Variants in SRPX observed in about 807,000 individuals in gnomAD.
SRPX encodes sushi repeat-containing protein SRPX.
In SRPX, 24 loss-of-function variants were observed where a neutral mutation model predicts 38.1. The ratio of observed to expected loss-of-function variants is 0.63; its 90% confidence interval spans 0.46 to 0.89. The LOEUF is 0.89. Among genes scored for constraint, SRPX ranks in the 40% least tolerant of loss-of-function variants. SRPX has a pLI of 0.00. For missense variants in SRPX, 416 were observed against 377.8 expected (o/e 1.10, Z -0.84); for synonymous variants, 184 against 153.8 (o/e 1.20, Z -1.45).
chrX:38,218,229 C>T (rs1196470107), intron 1 of SRPX, among the ~76,000 whole-genome samples: 1 of 112,575 alleles, frequency 8.9e-6, no homozygotes. Flanking sequence ...CCATGGTACT[C>T]ATTCTCCATC....
At chrX:38,208,511 CT>C (rs998301589) in intron 1 of SRPX, among the ~76,000 whole-genome samples, 2 of 111,503 alleles carry the variant, frequency 1.8e-5, no homozygotes, top group African/African-American at 6.5e-5. Context: ...CCTTTTTTAC[CT>C]TTTTTGTTTA....
At chrX:38,215,174 T>A (rs1159461889) in intron 1 of SRPX, among the ~76,000 whole-genome samples, 1 of 112,126 alleles carries the variant, frequency 8.9e-6, no homozygotes, top group African/African-American at 3.2e-5. Flanking sequence ...ATGCTCAATT[T>A]ACAACCCCAA....
intron 2 of SRPX, among the ~76,000 whole-genome samples, chrX:38,175,765 C>G (rs1441727780): frequency 8.9e-6 from 1 of 111,966 alleles, no homozygotes; most frequent in Non-Finnish European, 1.9e-5. Context: ...CTTCCCTGGA[C>G]TTTCTAGGTA....
At position 38,174,186 on chromosome X, in the gene SRPX, C is replaced by T. The variant is rs775464093; in HGVS notation, c.323G>A (p.Arg108Gln). ...TTTGCAGATGACCTTGTCAGACCAT[C>T]GTTTGTTTGACTGGCAGATCAGTAG... is the stretch of plus-strand genomic sequence containing the variant. ...SSLLICQSNK[R>Q]WSDKVICKQK... The change falls in exon 3 of 10, where the codon CGA becomes CAA. Residue 108 changes from arginine (R) to glutamine (Q), a missense_variant. Transcript: ENST00000378533. 1.7e-5 allele frequency: 19 copies of T among 1,112,488 alleles called. No individual in the cohort carries two copies. In the East Asian group the frequency reaches 2.4e-4, roughly 14 times the overall value. 91.7% of individuals were successfully genotyped at this position (1,112,488 alleles called of 1,213,427 possible).
At chrX:38,199,746 T>TG (rs1354805866) in intron 1 of SRPX, among the ~76,000 whole-genome samples, 6 of 89,331 alleles carry the variant, frequency 6.7e-5, no homozygotes, top group Non-Finnish European at 1.3e-4. Flanking sequence ...ACAGAGTGGC[T>TG]GGAAAAAAAA....
At chrX:38,158,681 A>T (rs1055121847) in intron 7 of SRPX, among the ~76,000 whole-genome samples, 2 of 111,642 alleles carry the variant, frequency 1.8e-5, no homozygotes, top group Non-Finnish European at 3.8e-5. Context: ...TAGTTGCCTC[A>T]TTAAAAAAGT....
intron 1 of SRPX, among the ~76,000 whole-genome samples, chrX:38,187,969 A>T (rs139287775): frequency 0.016 from 1,753 of 111,981 alleles, 31 homozygotes; most frequent in African/African-American, 0.054. Context: ...TGTTTGAAGG[A>T]GTAGAGCGAA....
rs144518030 is a variant in SRPX, at chrX:38,154,558, C to T, written c.1115G>A (p.Arg372Gln). ...LQQAQCGLDL[R>Q]HITVVELVGV... ...CACCAGCTCCACCACGGTGATGTGT[C>T]GAAGATCAAGGCCACACTGTGCTTG... Residue 372 changes from arginine to glutamine, a missense_variant, in exon 9 of 10, where the codon CGA becomes CAA. By Grantham distance (43) the Arg-to-Gln change is conservative (BLOSUM62 1). Transcript: ENST00000378533. 20 of 1,206,728 alleles carry T rather than the reference C, an allele frequency of 1.7e-5. No individual in the cohort carries two copies. The highest frequency in any genetic ancestry group is 2.1e-5 in the Non-Finnish European group (19 of 893,782).
chrX:38,164,232 T>G (rs777177137), intron 5 of SRPX, among the ~76,000 whole-genome samples: 23 of 110,598 alleles, frequency 2.1e-4, no homozygotes, highest in African/African-American at 3.6e-4. Context: ...AACCTCAGCC[T>G]CACAGGTTCA....
At chrX:38,176,283 C>G (rs755102758) in intron 2 of SRPX, among the ~76,000 whole-genome samples, 1 of 111,357 alleles carries the variant, frequency 9.0e-6, no homozygotes, top group South Asian at 3.8e-4. Context: ...CACAAACTCA[C>G]TCAATTAATA....
intron 1 of SRPX, among the ~76,000 whole-genome samples, chrX:38,189,761 C>T (rs183110810): frequency 8.9e-6 from 1 of 111,864 alleles, no homozygotes; most frequent in Non-Finnish European, 1.9e-5. Flanking sequence ...TTTTATGTTG[C>T]GTTGGATTTT....
intron 1 of SRPX, among the ~76,000 whole-genome samples, chrX:38,209,068 T>G (rs1446798015): frequency 9.2e-6 from 1 of 108,650 alleles, no homozygotes; most frequent in Non-Finnish European, 1.9e-5. Context: ...CTTGTTAAAG[T>G]ACATTCATCA....
At chrX:38,177,497 G>A (rs1415370493) in intron 2 of SRPX, among the ~76,000 whole-genome samples, 1 of 109,590 alleles carries the variant, frequency 9.1e-6, no homozygotes, top group East Asian at 2.9e-4. Flanking sequence ...CTCATCCCAG[G>A]AATTAGGACA....
chrX:38,166,682 G>C (rs1207161447), intron 4 of SRPX, among the ~76,000 whole-genome samples: 1 of 111,666 alleles, frequency 9.0e-6, no homozygotes, highest in Non-Finnish European at 1.9e-5. Flanking sequence ...CCCCCTGCTG[G>C]TCAAATATAG....
chrX:38,180,099 C>T (rs1472203972), intron 1 of SRPX, among the ~76,000 whole-genome samples: 2 of 111,233 alleles, frequency 1.8e-5, no homozygotes, highest in African/African-American at 6.6e-5. Context: ...CTTCAATCAT[C>T]CAAATTAAAA....
chrX:38,156,836 T>C (rs1938140466), intron 8 of SRPX, 60 bp downstream of exon 8: 1 of 1,153,927 alleles, frequency 8.7e-7, no homozygotes, highest in Non-Finnish European at 1.2e-6. Flanking sequence ...TTTAGTGAAA[T>C]GGCTGGGCCC....
At chrX:38,180,201 T>A (rs751875626) in intron 1 of SRPX, among the ~76,000 whole-genome samples, 1 of 111,783 alleles carries the variant, frequency 8.9e-6, no homozygotes, top group Non-Finnish European at 1.9e-5. Flanking sequence ...CCCTCGGTTG[T>A]CATCCTGGTT....
chrX:38,159,565 A>G (rs763861164), intron 7 of SRPX, among the ~76,000 whole-genome samples: 1 of 112,788 alleles, frequency 8.9e-6, no homozygotes, highest in Non-Finnish European at 1.9e-5. Flanking sequence ...CAAGAGGTAG[A>G]TGAGGTATTA....
intron 1 of SRPX, among the ~76,000 whole-genome samples, chrX:38,188,838 G>A (rs747924753): frequency 8.1e-5 from 9 of 111,720 alleles, no homozygotes; most frequent in Non-Finnish European, 1.5e-4. Flanking sequence ...ATAGGTCACA[G>A]TAGAATATAT....
Sources: allele counts gnomAD v4.1 joint callset (sites outside exome capture counted in the v4.1 genomes callset), GRCh38; gene constraint gnomAD v4.1.1; transcripts MANE v1.5; gene names NCBI Gene and HGNC (gene_info 2026-07-23, HGNC 2026-07-21).